RBFOX1: variants seen among roughly 807,000 people sequenced by gnomAD.
The protein encoded by RBFOX1 is RNA binding fox-1 homolog 1.
In RBFOX1, 8 loss-of-function variants were observed where a neutral mutation model predicts 57.7. That is an observed-to-expected ratio of 0.14 (90% CI 0.08 to 0.25). The LOEUF (loss-of-function observed/expected upper bound fraction) is 0.25, where lower values mean the gene tolerates loss of function less well. Ranked by LOEUF, RBFOX1 falls within the 10% of genes least tolerant of loss-of-function variation. RBFOX1 has a pLI of 1.00. For missense variants in RBFOX1, 611 were observed against 548.5 expected (o/e 1.11, Z -1.14); for synonymous variants, 326 against 222.4 (o/e 1.47, Z -4.15).
chr16:5,612,527 G>A (rs190567526), intron 3 of RBFOX1, among the ~76,000 whole-genome samples: 26 of 152,234 alleles, frequency 1.7e-4, no homozygotes, highest in African/African-American at 5.8e-4. Context: ...TCACAAGGTA[G>A]ATAATGGCTC....
chr16:7,181,625 C>T (rs751724043), intron 4 of RBFOX1, among the ~76,000 whole-genome samples: 3 of 151,858 alleles, frequency 2.0e-5, no homozygotes, highest in African/African-American at 7.3e-5. Context: ...TGCAGTGGTG[C>T]GATCTTGGCT....
At chr16:5,355,945 G>T (rs796675573) in intron 1 of RBFOX1, among the ~76,000 whole-genome samples, 1 of 152,118 alleles carries the variant, frequency 6.6e-6, no homozygotes, top group Non-Finnish European at 1.5e-5. Context: ...ACAAAAATTA[G>T]CTGGGCATGG....
intron 3 of RBFOX1, among the ~76,000 whole-genome samples, chr16:5,631,943 C>G (rs541522131): frequency 6.6e-6 from 1 of 152,176 alleles, no homozygotes; most frequent in Non-Finnish European, 1.5e-5. Context: ...AAATGGCATC[C>G]CCAAGTAGGA....
At chr16:7,000,016 G>T (rs1195806967) in intron 3 of RBFOX1, among the ~76,000 whole-genome samples, 1 of 149,534 alleles carries the variant, frequency 6.7e-6, no homozygotes, top group East Asian at 2.0e-4. Flanking sequence ...AGGTTGCAGT[G>T]AGCCAAGATC....
chr16:7,320,594 C>G (rs2096528513), intron 4 of RBFOX1, among the ~76,000 whole-genome samples: 1 of 152,108 alleles, frequency 6.6e-6, no homozygotes, highest in African/African-American at 2.4e-5. Flanking sequence ...GGACAGCTAC[C>G]CAAATCAAAC....
intron 12 of RBFOX1, among the ~76,000 whole-genome samples, chr16:7,661,386 C>T (rs781650024): frequency 5.9e-5 from 9 of 152,114 alleles, no homozygotes; most frequent in Non-Finnish European, 8.8e-5. Flanking sequence ...GAAGCCAGAG[C>T]GTGGGTCTTC....
At chr16:6,580,189 C>A (rs1249086631) in intron 2 of RBFOX1, among the ~76,000 whole-genome samples, 1 of 152,154 alleles carries the variant, frequency 6.6e-6, no homozygotes, top group East Asian at 1.9e-4. Flanking sequence ...GAACTCCTGA[C>A]CTCATAATCT....
intron 2 of RBFOX1, chr16:6,483,403 T>G (rs1332866440): frequency 1.3e-6 from 2 of 1,534,102 alleles, no homozygotes; most frequent in Non-Finnish European, 1.7e-6. Context: ...TGGAGTCATT[T>G]ACATTGCTAG....
At chr16:6,434,969 C>T (rs1275594215) in intron 2 of RBFOX1, among the ~76,000 whole-genome samples, 3 of 152,162 alleles carry the variant, frequency 2.0e-5, no homozygotes, top group East Asian at 1.9e-4. Context: ...TGTACATATA[C>T]GTGCACAGCT....
At chr16:5,723,202 C>T (rs979935849) in intron 3 of RBFOX1, among the ~76,000 whole-genome samples, 4 of 152,216 alleles carry the variant, frequency 2.6e-5, no homozygotes, top group Non-Finnish European at 4.4e-5. Context: ...CAACGGGATC[C>T]TCCTCACAGA....
At chr16:5,535,661 G>C (rs1164200227) in intron 2 of RBFOX1, among the ~76,000 whole-genome samples, 2 of 152,124 alleles carry the variant, frequency 1.3e-5, no homozygotes, top group Non-Finnish European at 2.9e-5. Context: ...GTTTCGGTCT[G>C]TTTCTTGATT....
rs547385921 is a variant in RBFOX1, at chr16:7,372,553, C to T, written c.28-145594C>T. On this transcript the variant is annotated intron_variant, in intron 4 of 15. Transcript: ENST00000550418. ...TGATTAGTAGTGGCTGTTAGGAGCT[C>T]TGTCTGGAGAAGGATTGCATCTGAC... Among the ~76,000 whole-genome samples the T allele has an allele frequency of 6.6e-5, 10 of 152,300 alleles. No homozygotes were observed. In the South Asian group the frequency reaches 2.1e-3, roughly 32 times the overall value.
chr16:5,993,831 G>A (rs879535803), intron 4 of RBFOX1, among the ~76,000 whole-genome samples: 3 of 152,130 alleles, frequency 2.0e-5, no homozygotes, highest in African/African-American at 4.8e-5. Flanking sequence ...GTTAAATACT[G>A]TGCTTGTAAT....
At chr16:7,540,439 C>G (rs1167808457) in intron 5 of RBFOX1, among the ~76,000 whole-genome samples, 2 of 152,208 alleles carry the variant, frequency 1.3e-5, no homozygotes, top group Non-Finnish European at 2.9e-5. Context: ...AACACAACTA[C>G]TCTGTGTTAT....
At chr16:6,009,719 A>G (rs1257242239) in intron 4 of RBFOX1, among the ~76,000 whole-genome samples, 1 of 152,064 alleles carries the variant, frequency 6.6e-6, no homozygotes, top group Non-Finnish European at 1.5e-5. Flanking sequence ...AAGCCTATCC[A>G]CAAGTTATTC....
chr16:5,974,098 C>T (rs539520048), intron 4 of RBFOX1, among the ~76,000 whole-genome samples: 6 of 152,262 alleles, frequency 3.9e-5, no homozygotes, highest in South Asian at 2.1e-4. Context: ...ATGTAGAGTG[C>T]TCAGCCCAGT....
At chr16:7,510,676 C>G (rs1290212499) in intron 4 of RBFOX1, among the ~76,000 whole-genome samples, 1 of 152,212 alleles carries the variant, frequency 6.6e-6, no homozygotes, top group East Asian at 1.9e-4. Flanking sequence ...AAGAGGGTTT[C>G]TCTGAATATG....
chr16:6,893,682 A>G (rs1374502886), intron 3 of RBFOX1, among the ~76,000 whole-genome samples: 1 of 152,234 alleles, frequency 6.6e-6, no homozygotes, highest in Non-Finnish European at 1.5e-5. Context: ...ACTGTACTTT[A>G]TCAATGTGGA....
At chr16:5,305,039 C>A (rs1167980845) in intron 1 of RBFOX1, among the ~76,000 whole-genome samples, 1 of 152,092 alleles carries the variant, frequency 6.6e-6, no homozygotes, top group Non-Finnish European at 1.5e-5. Flanking sequence ...AGGTTTTCAT[C>A]CACCTGCAGC....
Sources: gnomAD v4.1 joint callset for allele counts (sites outside exome capture counted in the v4.1 genomes callset) on GRCh38, gnomAD v4.1.1 for gene constraint, MANE v1.5 for transcripts, NCBI Gene and HGNC (gene_info 2026-07-23, HGNC 2026-07-21) for gene names.